ARL15: variants seen among roughly 807,000 people sequenced by gnomAD.
ARL15 encodes ARF like GTPase 15.
A neutral mutation model predicts 25.2 loss-of-function variants in ARL15; 19 were observed. The observed-to-expected ratio is 0.75, with a 90% CI of 0.53 to 1.10. The LOEUF is 1.10. Among genes scored for constraint, ARL15 ranks in the 50% least tolerant of loss-of-function variants. The pLI is 0.00. For synonymous variants in ARL15, 94 were observed against 86.8 expected (o/e 1.08, Z -0.46); for missense variants, 220 against 246.0 (o/e 0.89, Z 0.71).
At chr5:54,233,460 G>T (rs901483779) in intron 1 of ARL15, among the ~76,000 whole-genome samples, 2 of 152,186 alleles carry the variant, frequency 1.3e-5, no homozygotes, top group Non-Finnish European at 2.9e-5. Context: ...TAGAAAACTT[G>T]TATCTGCCAT....
At chr5:54,047,193 G>A (rs1750548636) in intron 4 of ARL15, among the ~76,000 whole-genome samples, 1 of 152,136 alleles carries the variant, frequency 6.6e-6, no homozygotes, top group Non-Finnish European at 1.5e-5. Context: ...ATTCCAGGAA[G>A]TATACTCTAG....
intron 4 of ARL15, among the ~76,000 whole-genome samples, chr5:54,084,217 A>G (rs1477170674): frequency 6.6e-6 from 1 of 152,138 alleles, no homozygotes; most frequent in Non-Finnish European, 1.5e-5. Flanking sequence ...AGCCTGTGTA[A>G]CCAAACCCAG....
intron 4 of ARL15, among the ~76,000 whole-genome samples, chr5:53,909,167 A>C (rs1318137181): frequency 6.6e-6 from 1 of 152,184 alleles, no homozygotes; most frequent in Non-Finnish European, 1.5e-5. Flanking sequence ...ATATGGCTCC[A>C]CTGAAAAAAA....
chr5:54,017,929 T>A (rs1316815343), intron 4 of ARL15, among the ~76,000 whole-genome samples: 3 of 151,962 alleles, frequency 2.0e-5, no homozygotes, highest in African/African-American at 7.3e-5. Context: ...ACCACATTAC[T>A]AGATAGATAC....
At chr5:54,096,342 G>A (rs2112162129) in intron 4 of ARL15, among the ~76,000 whole-genome samples, 1 of 152,268 alleles carries the variant, frequency 6.6e-6, no homozygotes, top group African/African-American at 2.4e-5. Context: ...CACAATAAGT[G>A]TGCAAAAAAT....
intron 4 of ARL15, among the ~76,000 whole-genome samples, chr5:54,032,738 T>C (rs1021933514): frequency 2.0e-5 from 3 of 152,218 alleles, no homozygotes; most frequent in African/African-American, 7.2e-5. Flanking sequence ...TTTGGTATTA[T>C]TATTTCAATC....
intron 4 of ARL15, among the ~76,000 whole-genome samples, chr5:53,954,555 T>A (rs1411789988): frequency 6.6e-6 from 1 of 152,180 alleles, no homozygotes; most frequent in African/African-American, 2.4e-5. Context: ...CAGAACAGTT[T>A]CCTTTCACAC....
chr5:54,145,848 T>C (rs936687569), intron 3 of ARL15, among the ~76,000 whole-genome samples: 1 of 152,252 alleles, frequency 6.6e-6, no homozygotes, highest in African/African-American at 2.4e-5. Context: ...TTTTATACTA[T>C]AGTACAGTGA....
chr5:54,146,461 T>C (rs1753915418), intron 3 of ARL15, among the ~76,000 whole-genome samples: 1 of 152,234 alleles, frequency 6.6e-6, no homozygotes, highest in African/African-American at 2.4e-5. Flanking sequence ...CCCTGCCCAA[T>C]ATCCCATGGC....
chr5:53,969,292 T>G (rs1220705535), intron 4 of ARL15, among the ~76,000 whole-genome samples: 1 of 152,208 alleles, frequency 6.6e-6, no homozygotes, highest in African/African-American at 2.4e-5. Context: ...AAAGTACTAT[T>G]AGGTATTCAA....
At chr5:54,050,785 TC>T (rs1336500024) in intron 4 of ARL15, among the ~76,000 whole-genome samples, 2 of 152,204 alleles carry the variant, frequency 1.3e-5, no homozygotes, top group African/African-American at 4.8e-5. Flanking sequence ...CTTCAGCTGT[TC>T]CCTTCTCTCT....
intron 1 of ARL15, among the ~76,000 whole-genome samples, chr5:54,249,547 A>G (rs1282628379): frequency 6.6e-6 from 1 of 152,146 alleles, no homozygotes; most frequent in Non-Finnish European, 1.5e-5. Context: ...GAGATAGGTA[A>G]CAATATACAG....
chr5:54,286,937 T>G (rs768099865), intron 1 of ARL15, among the ~76,000 whole-genome samples: 1 of 151,658 alleles, frequency 6.6e-6, no homozygotes, highest in Non-Finnish European at 1.5e-5. Flanking sequence ...GGCGCAGTCT[T>G]GGCTCACTGC....
At chr5:54,030,612 C>T (rs1004274860) in intron 4 of ARL15, among the ~76,000 whole-genome samples, 1 of 152,088 alleles carries the variant, frequency 6.6e-6, no homozygotes, top group African/African-American at 2.4e-5. Flanking sequence ...ATTCAAAGGT[C>T]CCGAGGCAGC....
At chr5:53,943,849 T>G (rs111462797) in intron 4 of ARL15, among the ~76,000 whole-genome samples, 3 of 152,128 alleles carry the variant, frequency 2.0e-5, no homozygotes, top group African/African-American at 7.2e-5. Context: ...CTTCTATGAA[T>G]GATGGTCAGA....
chr5:54,218,815 G>A (rs1370778890), intron 1 of ARL15, among the ~76,000 whole-genome samples: 2 of 152,182 alleles, frequency 1.3e-5, no homozygotes, highest in Non-Finnish European at 2.9e-5. Context: ...TAGATGTTGA[G>A]TGGGGAAATA....
chr5:54,114,331 G>C (rs1277482502), intron 3 of ARL15, among the ~76,000 whole-genome samples: 1 of 147,202 alleles, frequency 6.8e-6, no homozygotes, highest in Non-Finnish European at 1.5e-5. Context: ...TTGAACCCGG[G>C]AGGTGGAGGT....
At chr5:54,228,618 A>G (rs1756588546) in intron 1 of ARL15, among the ~76,000 whole-genome samples, 1 of 151,680 alleles carries the variant, frequency 6.6e-6, no homozygotes, top group Non-Finnish European at 1.5e-5. Flanking sequence ...ATTTATAGCT[A>G]TCTGAAATAG....
At chr5:54,077,600 C>T (rs182407910) in intron 4 of ARL15, among the ~76,000 whole-genome samples, 110 of 152,288 alleles carry the variant, frequency 7.2e-4, no homozygotes, top group Middle Eastern at 6.8e-3. Flanking sequence ...AATGTTCAAA[C>T]ATGTATACTA....
Sources: allele counts gnomAD v4.1 joint callset (sites outside exome capture counted in the v4.1 genomes callset), GRCh38; gene constraint gnomAD v4.1.1; transcripts MANE v1.5; gene names NCBI Gene and HGNC (gene_info 2026-07-23, HGNC 2026-07-21).